The following FAP variants were observed in gnomAD, a reference collection of about 807,000 sequenced individuals.
The protein encoded by FAP is prolyl endopeptidase FAP.
A neutral mutation model predicts 126.5 loss-of-function variants in FAP; 110 were observed. The ratio of observed to expected loss-of-function variants is 0.87; its 90% confidence interval spans 0.74 to 1.02. The LOEUF (loss-of-function observed/expected upper bound fraction) is 1.02. FAP is among the 50% of genes least tolerant of loss of function. The pLI is 0.00. For missense variants in FAP, 919 were observed against 909.2 expected, an observed-to-expected ratio of 1.01 and a Z score of -0.14; for synonymous variants, 334 against 297.3, an observed-to-expected ratio of 1.12 and a Z score of -1.27.
At chr2:162,234,672 A>T (rs1247546777) in intron 2 of FAP, among the ~76,000 whole-genome samples, 1 of 152,208 alleles carries the variant, frequency 6.6e-6, no homozygotes, top group African/African-American at 2.4e-5. Flanking sequence ...GCAGGAAAAC[A>T]GTGTTGAGAG....
intron 2 of FAP, among the ~76,000 whole-genome samples, chr2:162,241,354 G>A (rs1340381490): frequency 6.6e-6 from 1 of 152,090 alleles, no homozygotes; most frequent in Non-Finnish European, 1.5e-5. Flanking sequence ...TTGGAAAGAG[G>A]GTAGGGATTG....
chr2:162,220,636 G>T (rs1180605327), intron 6 of FAP, among the ~76,000 whole-genome samples: 1 of 152,180 alleles, frequency 6.6e-6, no homozygotes, highest in Non-Finnish European at 1.5e-5. Context: ...AGCTTGTAAA[G>T]TCCTCCACCC....
rs1689178535 is a variant in FAP at position 162,216,899 on chromosome 2, A to G, written c.763-898T>C. On this transcript the variant is annotated intron_variant, in intron 9 of 25. Coordinates refer to ENST00000188790, the MANE Select transcript of FAP (RefSeq NM_004460.5). ...CAACCTTAAGCCTCAAGGAAATATG[A>G]GAATGTGGGTCCCAACTTCCCAATC... is the stretch of plus-strand genomic sequence containing the variant. Among the ~76,000 whole-genome samples the G allele has an allele frequency of 2.0e-5, 3 of 152,278 alleles. No individual in the cohort carries two copies. The South Asian group carries it at 6.2e-4, about 32-fold the overall frequency.
Position 162,206,368 on chromosome 2 carries a change from G to A in FAP, c.1048-3223C>T, listed in dbSNP as rs79999604. 5.1e-3 allele frequency among the ~76,000 whole-genome samples: 771 copies of A among 152,272 alleles called. 12 individuals carry two copies. The highest frequency in any genetic ancestry group is 0.038 in the East Asian group (195 of 5,182). Reference sequence around the variant, plus strand: ...TAGATTACTCATCTCTATATGAAGTGCAAAGCCATTTAAAATATTTTACCT... The same window carrying A: ...TAGATTACTCATCTCTATATGAAGTACAAAGCCATTTAAAATATTTTACCT... On this transcript the variant is annotated intron_variant, in intron 12 of 25. Transcript: ENST00000188790.
At chr2:162,202,840 G>T (rs760152383) in intron 14 of FAP, 32 bp downstream of exon 14, 24 of 1,554,294 alleles carry the variant, frequency 1.5e-5, no homozygotes, top group Non-Finnish European at 2.0e-5. Context: ...ATTAAAACCT[G>T]AATGGTGCAT....
At chr2:162,216,743 C>G (rs1689173879) in intron 9 of FAP, among the ~76,000 whole-genome samples, 1 of 152,110 alleles carries the variant, frequency 6.6e-6, no homozygotes, top group Admixed American at 6.6e-5. Context: ...TGTAATGACT[C>G]AGTGCTGTTT....
At chr2:162,208,056 G>A (rs1688780163) in intron 12 of FAP, among the ~76,000 whole-genome samples, 2 of 148,650 alleles carry the variant, frequency 1.3e-5, no homozygotes, top group African/African-American at 4.9e-5. Flanking sequence ...AAGAGATTGA[G>A]ACCATCTTGG....
chr2:162,184,476 C>T (rs1033785840), intron 20 of FAP, among the ~76,000 whole-genome samples: 2 of 152,324 alleles, frequency 1.3e-5, no homozygotes, highest in East Asian at 3.9e-4. Flanking sequence ...TTCACAGCAA[C>T]CATTTCGCTC....
At chr2:162,223,166 TA>T (rs529325166) in intron 6 of FAP, among the ~76,000 whole-genome samples, 39 of 152,298 alleles carry the variant, frequency 2.6e-4, no homozygotes, top group African/African-American at 9.4e-4. Context: ...GTCATTTTTA[TA>T]ATAATTAATT....
At position 162,218,131 on chromosome 2, in the gene FAP, A is replaced by G. The variant is rs1689228021; in HGVS notation, c.617T>C (p.Leu206Pro). The G allele has an allele frequency of 6.2e-7, 1 of 1,600,616 alleles. No individual in the cohort carries two copies. Among genetic ancestry groups the G allele is most frequent in the Admixed American group, 1.7e-5 (1 of 57,476 alleles). The change falls in exon 9 of 26, where the codon CTT (leucine) becomes CCT (proline). Residue 206 changes from leucine (L) to proline (P), a missense_variant. Transcript: ENST00000188790. ...CCACCAGAGAGCATATTTTGTAGCA[A>G]GCATTTCCTCTGAAAAATAAGTACT... Reference protein sequence around the residue: ...IPDWVYEEEMLATKYALWWSP... With the variant: ...IPDWVYEEEMPATKYALWWSP...
intron 21 of FAP, among the ~76,000 whole-genome samples, chr2:162,179,812 A>ATATAT (rs1491388012): frequency 1.2e-3 from 112 of 90,508 alleles, no homozygotes; most frequent in African/African-American, 2.3e-3. Context: ...ATATATATAT[A>ATATAT]TTTTTTTTTT....
intron 2 of FAP, among the ~76,000 whole-genome samples, chr2:162,237,267 G>C (rs991989840): frequency 1.3e-5 from 2 of 152,090 alleles, no homozygotes; most frequent in African/African-American, 4.8e-5. Flanking sequence ...TTTGCAGGAC[G>C]TGCAGGTTTG....
intron 12 of FAP, among the ~76,000 whole-genome samples, chr2:162,206,447 C>T (rs1225556955): frequency 1.3e-5 from 2 of 152,140 alleles, no homozygotes; most frequent in Admixed American, 1.3e-4. Context: ...TGTTAAATGA[C>T]CTAAAGCGGA....
At chr2:162,196,658 A>G (rs1380440455) in intron 16 of FAP, among the ~76,000 whole-genome samples, 1 of 151,954 alleles carries the variant, frequency 6.6e-6, no homozygotes, top group Non-Finnish European at 1.5e-5. Flanking sequence ...CATCAGCATC[A>G]TCGATATAAT....
Position 162,173,712 on chromosome 2 carries a change from G to A in FAP, c.2034+11C>T. 1 of 1,558,202 alleles carries A rather than the reference G, an allele frequency of 6.4e-7. No homozygotes were observed. Among genetic ancestry groups the A allele is most frequent in the Non-Finnish European group, 8.8e-7 (1 of 1,130,618 alleles). ...ATTAATTATTAACCTAAATAAAATGGAAACACTTACCTTATAGTGCTCAAG... is the reference window on the plus strand; with the variant it reads ...ATTAATTATTAACCTAAATAAAATGAAAACACTTACCTTATAGTGCTCAAG... On this transcript the variant is annotated intron_variant, in intron 23 of 25. Coordinates refer to ENST00000188790, the MANE Select transcript of FAP (RefSeq NM_004460.5).
At position 162,189,171 on chromosome 2, in the gene FAP, A is replaced by G. The variant is rs763472386; in HGVS notation, c.1551T>C (p.Thr517=). ...GAGGAAGAATCATCTTGTACCATAA[A>G]GCTTTGAGGAAAAAAAAAGGAGAAA... The part of the protein sequence containing the change: ...EIKKLEVDEI[T]LWYKMILPPQ... The change falls in exon 19 of 26, where the codon ACT becomes ACC. Residue 517 remains threonine (T), a splice_region_variant and synonymous_variant. Transcript: ENST00000188790. The G allele has an allele frequency of 1.9e-6, 3 of 1,588,716 alleles. No individual in the cohort carries two copies. In the African/African-American group the frequency reaches 4.1e-5, roughly 21 times the overall value.
intron 2 of FAP, among the ~76,000 whole-genome samples, chr2:162,232,601 T>C (rs1689943583): frequency 6.6e-6 from 1 of 152,246 alleles, no homozygotes; most frequent in East Asian, 1.9e-4. Context: ...TTACTGCTAC[T>C]ATTATTACTG....
chr2:162,222,756 AC>A, intron 6 of FAP, among the ~76,000 whole-genome samples: 1 of 152,226 alleles, frequency 6.6e-6, no homozygotes, highest in South Asian at 2.1e-4. Flanking sequence ...AAAGATCTAA[AC>A]TCATTTTAAT....
chr2:162,190,277 T>C (rs1383336076), intron 17 of FAP, among the ~76,000 whole-genome samples: 1 of 152,074 alleles, frequency 6.6e-6, no homozygotes, highest in Admixed American at 6.6e-5. Context: ...CTGTTGTACT[T>C]GATTAATAAA....
Sources: gnomAD v4.1 joint callset for allele counts (sites outside exome capture counted in the v4.1 genomes callset) on GRCh38, gnomAD v4.1.1 for gene constraint, MANE v1.5 for transcripts, NCBI Gene and HGNC (gene_info 2026-07-23, HGNC 2026-07-21) for gene names.